The following SKI variants were observed in gnomAD, a reference collection of about 807,000 sequenced individuals.
The protein encoded by SKI is ski oncogene.
SKI carries 23 observed loss-of-function variants against 59.3 expected under a neutral mutation model. The observed-to-expected ratio is 0.39, with a 90% CI of 0.28 to 0.55. SKI has a LOEUF of 0.55. Among genes scored for constraint, SKI ranks in the 20% least tolerant of loss-of-function variants. The probability of loss-of-function intolerance (pLI) is 0.67; values close to 1 mark genes in which losing one functional copy is unlikely to be tolerated. For synonymous variants in SKI, 673 were observed against 488.6 expected, an observed-to-expected ratio of 1.38 and a Z score of -4.98; for missense variants, 1,017 against 1,038.9, an observed-to-expected ratio of 0.98 and a Z score of 0.29.
At chr1:2,288,051 C>T (rs781444119) in intron 1 of SKI, among the ~76,000 whole-genome samples, 17 of 151,998 alleles carry the variant, frequency 1.1e-4, no homozygotes, top group African/African-American at 2.7e-4. Flanking sequence ...TGCAATGGCA[C>T]GATCTCGGCT....
rs1370314773 is a variant in SKI at position 2,306,009 on chromosome 1, C to T, written c.1768-11C>T. The T allele has an allele frequency of 1.3e-6, 2 of 1,562,794 alleles. No homozygotes were observed. Among genetic ancestry groups the T allele is most frequent in the Non-Finnish European group, 1.7e-6 (2 of 1,154,192 alleles). Reference sequence around the variant, plus strand: ...GCTGGGCAGTGACCCCGAGCCGCCTCCGGCCCCCAGGAGCTGGAGTTCCTA... The same window carrying T: ...GCTGGGCAGTGACCCCGAGCCGCCTTCGGCCCCCAGGAGCTGGAGTTCCTA... On this transcript the variant is annotated splice_polypyrimidine_tract_variant and intron_variant, in intron 5 of 6. Coordinates refer to ENST00000378536, the MANE Select transcript of SKI (RefSeq NM_003036.4).
In SKI at chr1:2,304,074, G is replaced by A. The variant is rs114345135; in HGVS notation, c.1446G>A (p.Ala482=). ...CAGAGGAGGACAAGGACTCGGAGGC[G>A]GAGGTGGAAGTTGAAAGCAGGGAGG... ...AAPEEDKDSE[A]EVEVESREEF... The change falls in exon 4 of 7, where the codon GCG becomes GCA. Residue 482 remains alanine, a synonymous_variant. Transcript: ENST00000378536. The A allele has an allele frequency of 8.4e-3, 13,526 of 1,612,576 alleles. 64 individuals are homozygous for A. Among genetic ancestry groups the A allele is most frequent in the Non-Finnish European group, 0.01 (11,946 of 1,179,906 alleles).
intron 1 of SKI, among the ~76,000 whole-genome samples, chr1:2,274,507 G>T (rs115545826): frequency 9.0e-4 from 137 of 152,330 alleles, no homozygotes; most frequent in African/African-American, 3.2e-3. Context: ...TCGTGGCCGC[G>T]TGTGCTCTGC....
intron 1 of SKI, among the ~76,000 whole-genome samples, chr1:2,233,420 G>A (rs1458999102): frequency 1.3e-5 from 2 of 152,172 alleles, no homozygotes; most frequent in Non-Finnish European, 1.5e-5. Flanking sequence ...GAGAATTTGG[G>A]TTGTGTTACA....
At chr1:2,273,814 T>C (rs1639682225) in intron 1 of SKI, among the ~76,000 whole-genome samples, 1 of 152,148 alleles carries the variant, frequency 6.6e-6, no homozygotes, top group African/African-American at 2.4e-5. Context: ...ACGGTGGCCC[T>C]CCTGTCTGTT....
chr1:2,276,213 C>G (rs1159070265), intron 1 of SKI, among the ~76,000 whole-genome samples: 2 of 151,998 alleles, frequency 1.3e-5, no homozygotes, highest in African/African-American at 4.8e-5. Context: ...ACCCCCCGAC[C>G]CCCACTGCAG....
intron 1 of SKI, among the ~76,000 whole-genome samples, chr1:2,287,715 T>C (rs548932357): frequency 4.3e-4 from 66 of 152,164 alleles, no homozygotes; most frequent in Admixed American, 1.1e-3. Flanking sequence ...GTGTGGGGCG[T>C]GGGGGTGGTC....
At chr1:2,246,376 G>A (rs933192351) in intron 1 of SKI, among the ~76,000 whole-genome samples, 1 of 152,226 alleles carries the variant, frequency 6.6e-6, no homozygotes, top group South Asian at 2.1e-4. Context: ...GTTGTGTGTG[G>A]GGGCCTTTGC....
Position 2,245,788 on chromosome 1 carries a change from CTTTTTTTTTTTT to C in SKI, c.969+16068_969+16079del, listed in dbSNP as rs766445644. Among the ~76,000 whole-genome samples, 245 of 70,390 alleles carry C rather than the reference CTTTTTTTTTTTT, an allele frequency of 3.5e-3. 1 individual carries two copies. The highest frequency in any genetic ancestry group is 0.013 in the African/African-American group (229 of 17,136). 46.2% of individuals were successfully genotyped at this position (70,390 alleles called of 152,430 possible). On this transcript the variant is annotated intron_variant, in intron 1 of 6. Transcript: ENST00000378536. ...ACTGCACCTGGCCCTATTTTTCCTT[CTTTTTTTTTTTT>C]TTTTTTTTTTTTTTGAGGCAGGGTC...
At position 2,309,012 on chromosome 1, in the gene SKI, T is replaced by G. The variant is rs1254251094; in HGVS notation, c.*2247T>G. 6.6e-6 allele frequency: 1 copy of G among 152,212 alleles called. No homozygotes were observed. Among genetic ancestry groups the G allele is most frequent in the African/African-American group, 2.4e-5 (1 of 41,422 alleles). The allele number at this position is 152,212 out of a possible 1,614,324, so 9.4% of individuals were successfully genotyped here. On this transcript the variant is annotated 3_prime_UTR_variant, in exon 7 of 7. Coordinates refer to ENST00000378536, the MANE Select transcript of SKI (RefSeq NM_003036.4). ...TCCTGCAGCTGCCAGGCCCGTGCGGTCAGTGGGACCCGGACGTGGGCAGGC... is the reference window on the plus strand; with the variant it reads ...TCCTGCAGCTGCCAGGCCCGTGCGGGCAGTGGGACCCGGACGTGGGCAGGC...
At chr1:2,232,960 C>T (rs1638673983) in intron 1 of SKI, among the ~76,000 whole-genome samples, 1 of 152,170 alleles carries the variant, frequency 6.6e-6, no homozygotes, top group Non-Finnish European at 1.5e-5. Context: ...CGCCTCCTTC[C>T]TCGGGTTCTC....
intron 1 of SKI, among the ~76,000 whole-genome samples, chr1:2,253,585 G>C (rs1639210937): frequency 6.6e-6 from 1 of 152,218 alleles, no homozygotes; most frequent in Admixed American, 6.5e-5. Flanking sequence ...GCCTCTGCCA[G>C]GGCCTCCTCA....
rs1032255779 is a variant in SKI at position 2,252,064 on chromosome 1, C to T, written c.969+22329C>T. 3.9e-5 allele frequency among the ~76,000 whole-genome samples: 6 copies of T among 152,112 alleles called. No homozygotes were observed. In the East Asian group the frequency reaches 5.8e-4, roughly 15 times the overall value. ...TCTGCACACCTGTGGGGAGGCCTCT[C>T]GGGGTTTCCTGCCAGGTCTCTGTGC... On this transcript the variant is annotated intron_variant, in intron 1 of 6. Coordinates refer to ENST00000378536, the MANE Select transcript of SKI (RefSeq NM_003036.4).
intron 5 of SKI, among the ~76,000 whole-genome samples, chr1:2,305,184 G>A (rs576991865): frequency 3.9e-5 from 6 of 152,192 alleles, no homozygotes; most frequent in Non-Finnish European, 8.8e-5. Context: ...TCTGCCTCAC[G>A]GTTCTCACGC....
rs1200150753 is a variant in SKI at position 2,229,905 on chromosome 1, A to G, written c.969+170A>G. On this transcript the variant is annotated intron_variant, in intron 1 of 6. Coordinates refer to ENST00000378536, the MANE Select transcript of SKI (RefSeq NM_003036.4). This position sits in a 1 kb window ranked among gnomAD's most constrained non-coding sequence, Gnocchi z 6.3. ...TCAGAGTGTTCCGACTGGCAGGGCCAGAGAGTTTGGTAGGAAGGCCCTCCT... is the reference window on the plus strand; with the variant it reads ...TCAGAGTGTTCCGACTGGCAGGGCCGGAGAGTTTGGTAGGAAGGCCCTCCT... 6.6e-6 allele frequency among the ~76,000 whole-genome samples: 1 copy of G among 152,150 alleles called. No individual in the cohort carries two copies. The highest frequency in any genetic ancestry group is 6.5e-5 in the Admixed American group (1 of 15,278).
intron 1 of SKI, among the ~76,000 whole-genome samples, chr1:2,281,160 G>T (rs1346224816): frequency 2.3e-5 from 1 of 44,264 alleles, no homozygotes; most frequent in Non-Finnish European, 4.6e-5. Flanking sequence ...GAGATCTTCA[G>T]AGAGAGGACG....
At chr1:2,259,847 C>T (rs912972054) in intron 1 of SKI, among the ~76,000 whole-genome samples, 5 of 152,172 alleles carry the variant, frequency 3.3e-5, no homozygotes, top group African/African-American at 1.2e-4. Flanking sequence ...TTTTGGGCTC[C>T]TTGGATGCGT....
rs538375236 is a variant in SKI, at chr1:2,229,901, G to A, written c.969+166G>A. On this transcript the variant is annotated intron_variant, in intron 1 of 6. Transcript: ENST00000378536. The surrounding 1 kb of genome is among the most constrained non-coding windows in gnomAD (Gnocchi z 6.3). ...AAATTCAGAGTGTTCCGACTGGCAG[G>A]GCCAGAGAGTTTGGTAGGAAGGCCC... Among the ~76,000 whole-genome samples the A allele has an allele frequency of 5.3e-5, 8 of 152,328 alleles. No homozygotes were observed. The South Asian group carries it at 1.7e-3, about 32-fold the overall frequency.
intron 1 of SKI, among the ~76,000 whole-genome samples, chr1:2,282,182 G>A (rs1639901794): frequency 3.3e-5 from 1 of 30,112 alleles, no homozygotes; most frequent in South Asian, 1.2e-3. Context: ...ACAGGCGGTG[G>A]CGGAGATCTT....
Sources: gnomAD v4.1 joint callset for allele counts (sites outside exome capture counted in the v4.1 genomes callset) on GRCh38, gnomAD v4.1.1 for gene constraint, Gnocchi (gnomAD v3.1) non-coding constraint, MANE v1.5 for transcripts, NCBI Gene and HGNC (gene_info 2026-07-23, HGNC 2026-07-21) for gene names.